The following VAMP7 variants were observed in gnomAD, a reference collection of about 807,000 sequenced individuals.
VAMP7 encodes the protein vesicle-associated membrane protein 7.
A neutral mutation model predicts 29.6 loss-of-function variants in VAMP7; 14 were observed. The observed-to-expected ratio is 0.47, with a 90% CI of 0.31 to 0.74. The LOEUF is 0.74. Among genes scored for constraint, VAMP7 ranks in the 30% least tolerant of loss-of-function variants. VAMP7 has a pLI of 0.05. For missense variants in VAMP7, 223 were observed against 262.4 expected, an observed-to-expected ratio of 0.85 and a Z score of 1.04; for synonymous variants, 95 against 88.1, an observed-to-expected ratio of 1.08 and a Z score of -0.44.
intron 1 of VAMP7, among the ~76,000 whole-genome samples, 189 bp from the exon 2 acceptor site, chrX:155,889,269 T>A (rs1399580244): frequency 6.6e-6 from 1 of 152,144 alleles, no homozygotes; most frequent in Non-Finnish European, 1.5e-5. Context: ...AAGCATGGCT[T>A]AGGTTGTAAG....
intron 1 of VAMP7, among the ~76,000 whole-genome samples, chrX:155,881,820 A>G (rs984670396): frequency 1.3e-4 from 19 of 151,996 alleles, no homozygotes; most frequent in Non-Finnish European, 2.6e-4. Flanking sequence ...TTTCTGCTTC[A>G]CCTTCTACTT....
At position 155,903,559 on chromosome X, in the gene VAMP7, A is replaced by G. The variant is rs953707790; in HGVS notation, c.433+2972A>G. 4.1e-4 allele frequency among the ~76,000 whole-genome samples: 63 copies of G among 152,120 alleles called. 1 individual carries two copies. Among genetic ancestry groups the G allele is most frequent in the African/African-American group, 1.5e-3 (63 of 41,542 alleles). On this transcript the variant is annotated intron_variant, in intron 5 of 7. Coordinates refer to ENST00000286448, the MANE Select transcript of VAMP7 (RefSeq NM_005638.6). ...AAGTGGGCGAAGGACATGAACAGAC[A>G]CTTCTCAAAAGAAGACATTTATGCA...
intron 6 of VAMP7, among the ~76,000 whole-genome samples, chrX:155,937,963 G>A (rs1389647366): frequency 1.3e-5 from 2 of 152,254 alleles, no homozygotes; most frequent in East Asian, 3.9e-4. Context: ...TACTGCAGAA[G>A]CTGCTTTTGC....
intron 2 of VAMP7, 47 bp downstream of exon 2, chrX:155,889,659 G>T: frequency 6.2e-7 from 1 of 1,606,682 alleles, no homozygotes. Context: ...AGGGAATTCT[G>T]TTACTCTAAT....
At chrX:155,939,597 T>G in intron 6 of VAMP7, 104 bp from the exon 7 acceptor site, 1 of 850,052 alleles carries the variant, frequency 1.2e-6, no homozygotes, top group Non-Finnish European at 2.0e-6. Context: ...GAGAGGTCAT[T>G]GGACTTAAAT....
intron 1 of VAMP7, among the ~76,000 whole-genome samples, chrX:155,881,813 C>T (rs1486250219): frequency 6.6e-6 from 1 of 152,274 alleles, no homozygotes; most frequent in South Asian, 2.1e-4. Context: ...ACGTCACTTT[C>T]TGCTTCACCT....
In VAMP7 at chrX:155,926,231, C is replaced by T. The variant is rs777039802; in HGVS notation, c.501+6351C>T. Among the ~76,000 whole-genome samples the T allele has an allele frequency of 7.2e-5, 11 of 152,276 alleles. No homozygotes were observed. In the East Asian group the frequency reaches 1.2e-3, roughly 16 times the overall value. On this transcript the variant is annotated intron_variant, in intron 6 of 7. Coordinates refer to ENST00000286448, the MANE Select transcript of VAMP7 (RefSeq NM_005638.6). ...GCTTTGAAGCCAGTCATTGGCTTCT[C>T]TCTATGAAAGTCCTAGATGGCATCT...
At chrX:155,899,298 T>A (rs2066028108) in intron 4 of VAMP7, among the ~76,000 whole-genome samples, 1 of 151,964 alleles carries the variant, frequency 6.6e-6, no homozygotes, top group Admixed American at 6.6e-5. Context: ...GTACTTGATG[T>A]GGTCTTAAGT....
chrX:155,907,898 C>T lies in VAMP7; in HGVS notation c.433+7311C>T, dbSNP rs747685018. Among the ~76,000 whole-genome samples, 55 of 151,192 alleles carry T rather than the reference C, an allele frequency of 3.6e-4. No homozygotes were observed. The South Asian group carries it at 6.3e-3, about 17-fold the overall frequency. On this transcript the variant is annotated intron_variant, in intron 5 of 7. Coordinates refer to ENST00000286448, the MANE Select transcript of VAMP7 (RefSeq NM_005638.6). ...CTTCTCAGACAGGGCGGCCGGGCAG[C>T]GACGCTCCTCACCTCCCAGAAGGGG...
intron 5 of VAMP7, among the ~76,000 whole-genome samples, chrX:155,904,164 A>G (rs1389483845): frequency 2.9e-5 from 4 of 136,516 alleles, no homozygotes; most frequent in Non-Finnish European, 6.2e-5. Context: ...ATGAGAACAC[A>G]TGGACACAGG....
intron 5 of VAMP7, among the ~76,000 whole-genome samples, chrX:155,911,505 C>T (rs984913847): frequency 1.3e-4 from 20 of 151,866 alleles, no homozygotes; most frequent in African/African-American, 2.9e-4. Flanking sequence ...ATTGGTACTT[C>T]GATAGAGATT....
At chrX:155,927,046 G>C (rs1318527958) in intron 6 of VAMP7, among the ~76,000 whole-genome samples, 1 of 152,068 alleles carries the variant, frequency 6.6e-6, no homozygotes, top group Non-Finnish European at 1.5e-5. Flanking sequence ...ATAACAGATA[G>C]AATGAAAATA....
chrX:155,886,706 T>G (rs2065869919), intron 1 of VAMP7, among the ~76,000 whole-genome samples: 1 of 152,184 alleles, frequency 6.6e-6, no homozygotes, highest in Non-Finnish European at 1.5e-5. Flanking sequence ...TACCCAGAAT[T>G]GAATTCAGTA....
At chrX:155,930,541 T>C (rs1355827742) in intron 6 of VAMP7, among the ~76,000 whole-genome samples, 9 of 151,194 alleles carry the variant, frequency 6.0e-5, no homozygotes, top group Admixed American at 6.6e-5. Flanking sequence ...TCCTAGCTAC[T>C]TGGGGGGCTG....
intron 6 of VAMP7, among the ~76,000 whole-genome samples, chrX:155,926,141 C>T (rs1252903722): frequency 6.6e-6 from 1 of 152,106 alleles, no homozygotes; most frequent in Admixed American, 6.5e-5. Context: ...GGTAAATTAC[C>T]ATTGGCTTCA....
chrX:155,905,589 A>T (rs1490935237), intron 5 of VAMP7, among the ~76,000 whole-genome samples: 1 of 152,212 alleles, frequency 6.6e-6, no homozygotes, highest in African/African-American at 2.4e-5. Flanking sequence ...TGTATGGAAT[A>T]AAGAAGAGAT....
intron 5 of VAMP7, among the ~76,000 whole-genome samples, chrX:155,902,276 A>G (rs1180287819): frequency 1.3e-5 from 2 of 151,854 alleles, no homozygotes; most frequent in Non-Finnish European, 2.9e-5. Flanking sequence ...GGGCTGAGAC[A>G]ATGGGGTTTT....
At chrX:155,893,757 A>G (rs2065952891) in intron 2 of VAMP7, among the ~76,000 whole-genome samples, 1 of 152,198 alleles carries the variant, frequency 6.6e-6, no homozygotes, top group Non-Finnish European at 1.5e-5. Context: ...AGTGCCTCCC[A>G]AAGGCCTTGT....
intron 2 of VAMP7, among the ~76,000 whole-genome samples, chrX:155,890,234 G>T (rs2065911284): frequency 6.6e-6 from 1 of 151,958 alleles, no homozygotes; most frequent in Non-Finnish European, 1.5e-5. Context: ...TAGAGAGATG[G>T]GTAGAAGAAA....
Sources: gnomAD v4.1 joint callset for allele counts (sites outside exome capture counted in the v4.1 genomes callset) on GRCh38, gnomAD v4.1.1 for gene constraint, MANE v1.5 for transcripts, NCBI Gene and HGNC (gene_info 2026-07-23, HGNC 2026-07-21) for gene names.